YIPF4: variants seen among roughly 807,000 people sequenced by gnomAD.
The protein encoded by YIPF4 is Yip1 domain family member 4.
In YIPF4, 18 loss-of-function variants were observed where a neutral mutation model predicts 29.4. The observed-to-expected ratio is 0.61, with a 90% CI of 0.42 to 0.91. YIPF4 has a LOEUF of 0.91. Ranked by LOEUF, YIPF4 falls within the 40% of genes least tolerant of loss-of-function variation. YIPF4 has a pLI of 0.00. For synonymous variants in YIPF4, 115 were observed against 104.7 expected (o/e 1.10, Z -0.60); for missense variants, 279 against 282.7 (o/e 0.99, Z 0.09).
chr2:32,290,940 G>T, intron 2 of YIPF4: 1 of 159,610 alleles, frequency 6.3e-6, no homozygotes, highest in Non-Finnish European at 1.4e-5. Context: ...GGGCTCTTAG[G>T]TACTAGCTGT....
chr2:32,281,075 T>G (rs2030386766), intron 1 of YIPF4, among the ~76,000 whole-genome samples: 2 of 152,154 alleles, frequency 1.3e-5, no homozygotes, highest in African/African-American at 4.8e-5. Flanking sequence ...AAACCTGAAA[T>G]AAGTAAAAAT....
chr2:32,293,547 C>G (rs1429835923), intron 3 of YIPF4, among the ~76,000 whole-genome samples: 3 of 152,260 alleles, frequency 2.0e-5, no homozygotes, highest in Non-Finnish European at 2.9e-5. Flanking sequence ...ACCTTTCCCC[C>G]CTTTCTGTTC....
At chr2:32,280,214 G>T (rs1027626452) in intron 1 of YIPF4, among the ~76,000 whole-genome samples, 3 of 151,344 alleles carry the variant, frequency 2.0e-5, no homozygotes, top group Non-Finnish European at 4.4e-5. Flanking sequence ...TGCAAGCTCC[G>T]CTTCCCAGGT....
chr2:32,307,276 T>G lies in YIPF4; in HGVS notation c.*1650T>G. 1 of 524,184 alleles carries G rather than the reference T, an allele frequency of 1.9e-6. No individual in the cohort carries two copies. Among genetic ancestry groups the G allele is most frequent in the Non-Finnish European group, 2.7e-6 (1 of 373,660 alleles). The allele number at this position is 524,184 out of a possible 1,614,324, so 32.5% of individuals were successfully genotyped here. A position where few individuals can be genotyped will look rare whatever the true frequency, so the allele number is the denominator to read the frequency against. On this transcript the variant is annotated 3_prime_UTR_variant, in exon 6 of 6. Transcript: ENST00000238831. ...TTATAATATTTGACATTCATAGTGT[T>G]GACCCTGGAATCTTTCACAGAAAGC...
rs753862157 is a variant in YIPF4, at chr2:32,314,000, G to A, written c.*8374G>A. 9 of 152,304 alleles carry A rather than the reference G, an allele frequency of 5.9e-5. No individual in the cohort carries two copies. Among genetic ancestry groups the A allele is most frequent in the Non-Finnish European group, 1.2e-4 (8 of 68,040 alleles). The allele number at this position is 152,304 out of a possible 1,614,324, so 9.4% of individuals were successfully genotyped here. A position where few individuals can be genotyped will look rare whatever the true frequency, so the allele number is the denominator to read the frequency against. Reference sequence around the variant, plus strand: ...TGAACCACTGCGCCCAGCCAGAAACGTGCTTTTAATACTAAAGGCCAAGAT... The same window carrying A: ...TGAACCACTGCGCCCAGCCAGAAACATGCTTTTAATACTAAAGGCCAAGAT... On this transcript the variant is annotated 3_prime_UTR_variant, in exon 6 of 6. Coordinates refer to ENST00000238831, the MANE Select transcript of YIPF4 (RefSeq NM_032312.4).
intron 1 of YIPF4, among the ~76,000 whole-genome samples, chr2:32,282,447 T>G (rs2030463664): frequency 6.6e-6 from 1 of 152,216 alleles, no homozygotes; most frequent in Non-Finnish European, 1.5e-5. Flanking sequence ...TTTGTTTTGT[T>G]TTTGAGACGG....
chr2:32,299,238 A>C (rs1367963356), intron 4 of YIPF4, among the ~76,000 whole-genome samples: 1 of 152,242 alleles, frequency 6.6e-6, no homozygotes, highest in Non-Finnish European at 1.5e-5. Context: ...TTGTAACAAT[A>C]AACCAACTAC....
Position 32,306,729 on chromosome 2 carries a change from C to A in YIPF4, c.*1103C>A. The A allele has an allele frequency of 2.8e-6, 1 of 362,450 alleles. No homozygotes were observed. The highest frequency in any genetic ancestry group is 3.8e-6 in the Non-Finnish European group (1 of 260,632). The allele number at this position is 362,450 out of a possible 1,614,324, so 22.5% of individuals were successfully genotyped here. A position where few individuals can be genotyped will look rare whatever the true frequency, so the allele number is the denominator to read the frequency against. On this transcript the variant is annotated 3_prime_UTR_variant, in exon 6 of 6. Coordinates refer to ENST00000238831, the MANE Select transcript of YIPF4 (RefSeq NM_032312.4). ...TAATTTCATAGGTTTTTAGATACAC[C>A]TGTAGTTAATATTACTTTGTAAAGT...
intron 5 of YIPF4, 118 bp from the exon 6 acceptor site, chr2:32,305,371 C>T: frequency 8.4e-7 from 1 of 1,196,944 alleles, no homozygotes; most frequent in East Asian, 2.8e-5. Context: ...TTACTATTTA[C>T]CAAAATTGGT....
rs6741519 is a variant in YIPF4 at position 32,306,612 on chromosome 2, T to G, written c.*986T>G. 2 of 983,402 alleles carry G rather than the reference T, an allele frequency of 2.0e-6. No homozygotes were observed. Among genetic ancestry groups the G allele is most frequent in the East Asian group, 2.3e-4 (2 of 8,818 alleles). The allele number at this position is 983,402 out of a possible 1,614,324, so 60.9% of individuals were successfully genotyped here. ...GCACCATGTCCTGTATTACTTGATA[T>G]TTTAACAAGTATCAGGTACTCTCTA... is the stretch of plus-strand genomic sequence containing the variant. On this transcript the variant is annotated 3_prime_UTR_variant, in exon 6 of 6. Transcript: ENST00000238831.
At chr2:32,294,902 C>CA (rs1158011843) in intron 3 of YIPF4, among the ~76,000 whole-genome samples, 1 of 152,240 alleles carries the variant, frequency 6.6e-6, no homozygotes, top group Non-Finnish European at 1.5e-5. Context: ...CCGTCTCCAC[C>CA]AAAAAAATAC....
rs946892636 is a variant in YIPF4 at position 32,286,980 on chromosome 2, C to G, written c.80-3503C>G. Among the ~76,000 whole-genome samples the G allele has an allele frequency of 5.3e-5, 8 of 152,220 alleles. No individual in the cohort carries two copies. In the South Asian group the frequency reaches 1.7e-3, roughly 32 times the overall value. ...TATCCTTAGGCCAGGCACAGTGGCT[C>G]GTGTCTTTAATCCCAGCACTTTGGG... On this transcript the variant is annotated intron_variant, in intron 1 of 5. Coordinates refer to ENST00000238831, the MANE Select transcript of YIPF4 (RefSeq NM_032312.4).
Position 32,310,600 on chromosome 2 carries a change from C to G in YIPF4, c.*4974C>G, listed in dbSNP as rs1558484652. On this transcript the variant is annotated 3_prime_UTR_variant, in exon 6 of 6. Coordinates refer to ENST00000238831, the MANE Select transcript of YIPF4 (RefSeq NM_032312.4). ...TGGGAAAAAAAAATTGTTTGTATGCCTGGGTACAGTATCATACCTGTAATC... is the reference window on the plus strand; with the variant it reads ...TGGGAAAAAAAAATTGTTTGTATGCGTGGGTACAGTATCATACCTGTAATC... 1 of 152,076 alleles carries G rather than the reference C, an allele frequency of 6.6e-6. No homozygotes were observed. Among genetic ancestry groups the G allele is most frequent in the Non-Finnish European group, 1.5e-5 (1 of 68,022 alleles). The allele number at this position is 152,076 out of a possible 1,614,324, so 9.4% of individuals were successfully genotyped here. A position where few individuals can be genotyped will look rare whatever the true frequency, so the allele number is the denominator to read the frequency against.
intron 3 of YIPF4, among the ~76,000 whole-genome samples, chr2:32,294,909 A>T (rs2031109946): frequency 6.6e-6 from 1 of 152,228 alleles, no homozygotes; most frequent in South Asian, 2.1e-4. Flanking sequence ...CACCAAAAAA[A>T]TACAAAAACC....
rs1013718959 is a variant in YIPF4, at chr2:32,315,685, A to C, written c.*10059A>C. 6.6e-6 allele frequency: 1 copy of C among 152,012 alleles called. No individual in the cohort carries two copies. Among genetic ancestry groups the C allele is most frequent in the African/African-American group, 2.4e-5 (1 of 41,328 alleles). 9.4% of individuals were successfully genotyped at this position (152,012 alleles called of 1,614,324 possible). A position where few individuals can be genotyped will look rare whatever the true frequency, so the allele number is the denominator to read the frequency against. On this transcript the variant is annotated 3_prime_UTR_variant, in exon 6 of 6. Coordinates refer to ENST00000238831, the MANE Select transcript of YIPF4 (RefSeq NM_032312.4). ...AACCCGGGAGGCGGAGATTGCAGTG[A>C]GCCGAGATCGCGCCACTGCACTCCA...
rs892346712 is a variant in YIPF4 at position 32,277,991 on chromosome 2, A to G, written c.-165A>G. 1 of 578,220 alleles carries G rather than the reference A, an allele frequency of 1.7e-6. No individual in the cohort carries two copies. Among genetic ancestry groups the G allele is most frequent in the African/African-American group, 2.0e-5 (1 of 49,676 alleles). 35.8% of individuals were successfully genotyped at this position (578,220 alleles called of 1,614,324 possible). On this transcript the variant is annotated 5_prime_UTR_variant, in exon 1 of 6. Coordinates refer to ENST00000238831, the MANE Select transcript of YIPF4 (RefSeq NM_032312.4). ...GACTTTGGTGGGGTAGTCTCGGGGC[A>G]GCTCAGCGGCCCGCTGTGCCCGTTT...
intron 3 of YIPF4, among the ~76,000 whole-genome samples, chr2:32,297,223 C>T (rs562961746): frequency 6.6e-6 from 1 of 152,006 alleles, no homozygotes; most frequent in Non-Finnish European, 1.5e-5. Flanking sequence ...CTCCCAGGTT[C>T]AAGCGATTCT....
chr2:32,292,076 G>A (rs2030942094), intron 2 of YIPF4, 101 bp from the exon 3 acceptor site: 1 of 741,920 alleles, frequency 1.3e-6, no homozygotes, highest in Non-Finnish European at 2.0e-6. Flanking sequence ...GACCTATGGA[G>A]ATTATAACTG....
intron 3 of YIPF4, 22 bp from the exon 4 acceptor site, chr2:32,298,212 T>C: frequency 6.5e-7 from 1 of 1,528,930 alleles, no homozygotes; most frequent in Non-Finnish European, 9.0e-7. Context: ...AAAATATTAA[T>C]TGCATGATTT....
Sources: allele counts gnomAD v4.1 joint callset (sites outside exome capture counted in the v4.1 genomes callset), GRCh38; gene constraint gnomAD v4.1.1; transcripts MANE v1.5; gene names NCBI Gene and HGNC (gene_info 2026-07-23, HGNC 2026-07-21).